PRKCA: variants seen among roughly 807,000 people sequenced by gnomAD.
PRKCA encodes protein kinase C alpha.
PRKCA carries 27 observed loss-of-function variants against 87.0 expected under a neutral mutation model. The ratio of observed to expected loss-of-function variants is 0.31; its 90% CI spans 0.23 to 0.43. The LOEUF (loss-of-function observed/expected upper bound fraction) is 0.43. PRKCA is among the 20% of genes least tolerant of loss of function. The pLI, the probability that PRKCA is intolerant of heterozygous loss-of-function variation, is 1.00. For synonymous variants in PRKCA, 329 were observed against 311.1 expected, an observed-to-expected ratio of 1.06 and a Z score of -0.61; for missense variants, 518 against 852.3, an observed-to-expected ratio of 0.61 and a Z score of 4.88.
intron 13 of PRKCA, among the ~76,000 whole-genome samples, chr17:66,756,752 C>T (rs1387815576): frequency 6.6e-6 from 1 of 152,144 alleles, no homozygotes; most frequent in Admixed American, 6.5e-5. Context: ...ACCTCCGCCT[C>T]CTGGGTTCAA....
intron 5 of PRKCA, among the ~76,000 whole-genome samples, chr17:66,683,781 G>T (rs764813426): frequency 1.2e-4 from 19 of 152,010 alleles, no homozygotes; most frequent in Non-Finnish European, 2.2e-4. Context: ...TGTATTTTTA[G>T]TAGAAATGGG....
intron 3 of PRKCA, among the ~76,000 whole-genome samples, chr17:66,536,697 T>C (rs6504443): frequency 0.028 from 4,277 of 152,264 alleles, 182 homozygotes; most frequent in African/African-American, 0.097. Flanking sequence ...TTTATTACCA[T>C]TGTTTTTAGT....
At chr17:66,384,695 C>T (rs1266759091) in intron 2 of PRKCA, among the ~76,000 whole-genome samples, 2 of 151,928 alleles carry the variant, frequency 1.3e-5, no homozygotes, top group Non-Finnish European at 2.9e-5. Context: ...GTGGTGCCAT[C>T]TCGGCTCACT....
chr17:66,356,524 A>G (rs1443935661), intron 2 of PRKCA, among the ~76,000 whole-genome samples: 1 of 151,988 alleles, frequency 6.6e-6, no homozygotes, highest in Non-Finnish European at 1.5e-5. Flanking sequence ...AGTCCCAGCT[A>G]CTCGGGAGGC....
chr17:66,333,365 T>A (rs1035105405), intron 2 of PRKCA, among the ~76,000 whole-genome samples: 1 of 152,208 alleles, frequency 6.6e-6, no homozygotes, highest in Admixed American at 6.5e-5. Flanking sequence ...TTAACTCATA[T>A]TCTTGTTATA....
chr17:66,475,715 G>GA (rs529748192), intron 2 of PRKCA, among the ~76,000 whole-genome samples: 28 of 152,096 alleles, frequency 1.8e-4, no homozygotes, highest in Non-Finnish European at 3.7e-4. Context: ...AGGTCTTCTT[G>GA]ATACCTGTGT....
intron 2 of PRKCA, among the ~76,000 whole-genome samples, chr17:66,400,123 G>A (rs545333935): frequency 6.6e-6 from 1 of 152,108 alleles, no homozygotes; most frequent in South Asian, 2.1e-4. Flanking sequence ...GTACACATAC[G>A]GTTTGGTAGT....
chr17:66,625,015 G>A (rs1970811026), intron 3 of PRKCA, among the ~76,000 whole-genome samples: 1 of 152,136 alleles, frequency 6.6e-6, no homozygotes, highest in Non-Finnish European at 1.5e-5. Flanking sequence ...ACAGCATTGG[G>A]CTGGATCACG....
At chr17:66,486,745 C>T (rs1916005853) in intron 2 of PRKCA, among the ~76,000 whole-genome samples, 1 of 152,302 alleles carries the variant, frequency 6.6e-6, no homozygotes, top group African/African-American at 2.4e-5. Flanking sequence ...ACACATCTAT[C>T]TGGGTGGCCT....
At chr17:66,670,242 TG>T (rs758823387) in intron 5 of PRKCA, among the ~76,000 whole-genome samples, 25 of 152,150 alleles carry the variant, frequency 1.6e-4, no homozygotes, top group Non-Finnish European at 3.2e-4. Context: ...AGTTCAGGGA[TG>T]GGAAGTCATA....
At chr17:66,567,401 C>T (rs1420806971) in intron 3 of PRKCA, among the ~76,000 whole-genome samples, 2 of 152,038 alleles carry the variant, frequency 1.3e-5, no homozygotes, top group East Asian at 3.9e-4. Flanking sequence ...CCCCTGCTGG[C>T]AGATTGTTGC....
chr17:66,406,051 GTCA>G (rs1334876078), intron 2 of PRKCA, among the ~76,000 whole-genome samples: 1 of 152,152 alleles, frequency 6.6e-6, no homozygotes, highest in Admixed American at 6.5e-5. Context: ...AGTTTGCTCT[GTCA>G]TCATCGAGTT....
intron 3 of PRKCA, among the ~76,000 whole-genome samples, chr17:66,503,180 C>G (rs1235602741): frequency 1.3e-5 from 2 of 152,138 alleles, no homozygotes; most frequent in African/African-American, 2.4e-5. Context: ...GTAAGCTTTC[C>G]TCGCGTTTTT....
chr17:66,361,462 C>G (rs1273841391), intron 2 of PRKCA, among the ~76,000 whole-genome samples: 2 of 151,988 alleles, frequency 1.3e-5, no homozygotes, highest in Non-Finnish European at 2.9e-5. Context: ...CAGGCACCCG[C>G]CACCACGCCT....
chr17:66,512,049 A>C (rs1320611738), intron 3 of PRKCA, among the ~76,000 whole-genome samples: 6 of 152,076 alleles, frequency 3.9e-5, no homozygotes, highest in African/African-American at 1.4e-4. Context: ...AGCGCCTCTG[A>C]AGAAATACAC....
intron 2 of PRKCA, among the ~76,000 whole-genome samples, chr17:66,393,525 C>T (rs1344895154): frequency 6.6e-6 from 1 of 152,178 alleles, no homozygotes; most frequent in Non-Finnish European, 1.5e-5. Flanking sequence ...GACGGCCTGT[C>T]GTTTCCTGAC....
chr17:66,501,095 C>T (rs1916712652), intron 3 of PRKCA, among the ~76,000 whole-genome samples: 1 of 152,120 alleles, frequency 6.6e-6, no homozygotes, highest in Admixed American at 6.5e-5. Flanking sequence ...GTGAAATCCT[C>T]AAATATTGTA....
At chr17:66,615,644 T>C (rs1292743772) in intron 3 of PRKCA, among the ~76,000 whole-genome samples, 5 of 151,926 alleles carry the variant, frequency 3.3e-5, no homozygotes, top group African/African-American at 1.2e-4. Flanking sequence ...CCTGGGAGGG[T>C]GAAACAAAGC....
chr17:66,341,355 G>A (rs1472162091), intron 2 of PRKCA, among the ~76,000 whole-genome samples: 1 of 152,038 alleles, frequency 6.6e-6, no homozygotes, highest in East Asian at 1.9e-4. Context: ...AATCTCTAAG[G>A]TGCAAATTTT....
Sources: allele counts gnomAD v4.1 joint callset (sites outside exome capture counted in the v4.1 genomes callset), GRCh38; gene constraint gnomAD v4.1.1; transcripts MANE v1.5; gene names NCBI Gene and HGNC (gene_info 2026-07-23, HGNC 2026-07-21).